SUGCT: variants seen among roughly 807,000 people sequenced by gnomAD.
SUGCT encodes the protein succinyl-CoA:glutarate CoA-transferase.
In SUGCT, 41 loss-of-function variants were observed where a neutral mutation model predicts 55.0. The observed-to-expected ratio is 0.74, with a 90% CI of 0.58 to 0.97. SUGCT has a LOEUF of 0.97. SUGCT is among the 50% of genes least tolerant of loss of function. The pLI is 0.00. For missense variants in SUGCT, 568 were observed against 547.8 expected (o/e 1.04, Z -0.37); for synonymous variants, 187 against 200.4 (o/e 0.93, Z 0.56).
the SUGCT span, among the ~76,000 whole-genome samples, chr7:41,026,392 G>C: frequency 6.6e-6 from 1 of 152,132 alleles, no homozygotes; most frequent in Non-Finnish European, 1.5e-5. Context: ...GTATTTTACA[G>C]TTTGGACCTG....
chr7:40,943,911 T>A, the SUGCT span, among the ~76,000 whole-genome samples: 3 of 149,882 alleles, frequency 2.0e-5, no homozygotes, highest in Non-Finnish European at 4.5e-5. Context: ...GTAAAAGTGT[T>A]CCTATTTCTC....
chr7:40,333,860 G>A (rs190912686), intron 9 of SUGCT, among the ~76,000 whole-genome samples: 3,648 of 149,876 alleles, frequency 0.024, 62 homozygotes, highest in Middle Eastern at 0.066. Context: ...CCATTAACTC[G>A]TCATTTACAT....
the SUGCT span, among the ~76,000 whole-genome samples, chr7:40,977,752 G>T: frequency 1.3e-5 from 2 of 152,154 alleles, no homozygotes; most frequent in Admixed American, 6.5e-5. Flanking sequence ...TTCCCCTGGT[G>T]TTTGCTTTTT....
intron 12 of SUGCT, among the ~76,000 whole-genome samples, chr7:40,663,970 G>C (rs917899531): frequency 9.2e-5 from 14 of 152,038 alleles, no homozygotes; most frequent in African/African-American, 3.1e-4. Context: ...TTAGGTCACT[G>C]GGGGGAGGGC....
the SUGCT span, among the ~76,000 whole-genome samples, chr7:40,933,168 G>A: frequency 1.3e-5 from 2 of 152,222 alleles, no homozygotes; most frequent in Admixed American, 1.3e-4. Flanking sequence ...GTCTGTAAAG[G>A]ATTTTATTTC....
chr7:40,320,949 A>G (rs1795695034), intron 9 of SUGCT, among the ~76,000 whole-genome samples: 1 of 151,538 alleles, frequency 6.6e-6, no homozygotes, highest in African/African-American at 2.4e-5. Context: ...TCCACCTCCC[A>G]TGTTTTTGAG....
intron 12 of SUGCT, among the ~76,000 whole-genome samples, chr7:40,615,560 G>C (rs1432372103): frequency 6.6e-6 from 1 of 152,092 alleles, no homozygotes; most frequent in Non-Finnish European, 1.5e-5. Flanking sequence ...TTACAGAATG[G>C]GTACCCAACA....
intron 12 of SUGCT, among the ~76,000 whole-genome samples, chr7:40,643,875 T>C (rs1013192404): frequency 2.6e-5 from 4 of 152,186 alleles, no homozygotes; most frequent in Admixed American, 6.5e-5. Flanking sequence ...AGTAGCTGAC[T>C]TTCTATGGCT....
At chr7:40,809,427 T>TGC (rs1791284943) in intron 13 of SUGCT, among the ~76,000 whole-genome samples, 1 of 152,118 alleles carries the variant, frequency 6.6e-6, no homozygotes, top group Non-Finnish European at 1.5e-5. Context: ...TGTGTGTGTG[T>TGC]GCTCTCTCTT....
intron 8 of SUGCT, among the ~76,000 whole-genome samples, chr7:40,308,312 G>C (rs963029033): frequency 1.7e-4 from 26 of 152,092 alleles, no homozygotes; most frequent in Admixed American, 1.4e-3. Flanking sequence ...AGTGACCTGG[G>C]TTTGGGTCAG....
At chr7:40,183,810 A>G (rs769238988) in intron 3 of SUGCT, among the ~76,000 whole-genome samples, 1 of 151,732 alleles carries the variant, frequency 6.6e-6, no homozygotes, top group Non-Finnish European at 1.5e-5. Context: ...CACATTTCTC[A>G]CTTTTGTTTG....
chr7:40,998,488 A>C, the SUGCT span, among the ~76,000 whole-genome samples: 1 of 152,190 alleles, frequency 6.6e-6, no homozygotes, highest in Admixed American at 6.5e-5. Context: ...GTCCTATGGC[A>C]CTTTGTAGCT....
At chr7:40,692,945 G>A (rs1220404204) in intron 12 of SUGCT, among the ~76,000 whole-genome samples, 1 of 152,282 alleles carries the variant, frequency 6.6e-6, no homozygotes, top group East Asian at 1.9e-4. Context: ...CTGTTTAAGG[G>A]AAGTTTAGTT....
intron 9 of SUGCT, chr7:40,387,955 G>A (rs2151295184): frequency 6.6e-6 from 1 of 152,300 alleles, no homozygotes; most frequent in South Asian, 2.1e-4. Flanking sequence ...AAGCGGATGA[G>A]TTGGAATCGG....
At chr7:40,376,020 A>T (rs549027855) in intron 9 of SUGCT, among the ~76,000 whole-genome samples, 10 of 152,210 alleles carry the variant, frequency 6.6e-5, no homozygotes, top group Non-Finnish European at 1.5e-4. Flanking sequence ...TTATAACAGA[A>T]ATTCATACGT....
intron 12 of SUGCT, among the ~76,000 whole-genome samples, chr7:40,633,375 G>A (rs571276982): frequency 6.6e-6 from 1 of 152,084 alleles, no homozygotes; most frequent in African/African-American, 2.4e-5. Context: ...TATCCTGCAT[G>A]CCAAAACACA....
intron 12 of SUGCT, among the ~76,000 whole-genome samples, chr7:40,591,827 G>A (rs558393334): frequency 6.6e-6 from 1 of 152,236 alleles, no homozygotes; most frequent in East Asian, 1.9e-4. Flanking sequence ...AAATTAAGAT[G>A]TATTTTTTAG....
At chr7:40,697,129 C>G (rs144065283) in intron 12 of SUGCT, among the ~76,000 whole-genome samples, 6 of 152,276 alleles carry the variant, frequency 3.9e-5, no homozygotes, top group African/African-American at 1.4e-4. Flanking sequence ...AGTGTGTATT[C>G]ATATACTTAT....
the SUGCT span, among the ~76,000 whole-genome samples, chr7:40,904,345 A>G: frequency 3.3e-5 from 5 of 152,122 alleles, no homozygotes; most frequent in Admixed American, 3.3e-4. Context: ...CAAGGCTTGG[A>G]TTTTACACCA....
Sources: gnomAD v4.1 joint callset for allele counts (sites outside exome capture counted in the v4.1 genomes callset) on GRCh38, gnomAD v4.1.1 for gene constraint, MANE v1.5 for transcripts, NCBI Gene and HGNC (gene_info 2026-07-23, HGNC 2026-07-21) for gene names.